The following CATSPERG variants were observed in gnomAD, a reference collection of about 807,000 sequenced individuals.
CATSPERG encodes the protein cation channel sperm-associated auxiliary subunit gamma.
CATSPERG carries 115 observed loss-of-function variants against 145.0 expected under a neutral mutation model. The ratio of observed to expected loss-of-function variants is 0.79; its 90% CI spans 0.68 to 0.93. The LOEUF (loss-of-function observed/expected upper bound fraction) is 0.93, where lower values mean the gene tolerates loss of function less well. Ranked by LOEUF, CATSPERG falls within the 40% of genes least tolerant of loss-of-function variation. CATSPERG has a pLI of 0.00. For missense variants in CATSPERG, 1,296 were observed against 1,490.1 expected (o/e 0.87, Z 2.14); for synonymous variants, 588 against 589.0 (o/e 1.00, Z 0.02).
At position 38,344,032 on chromosome 19, in the gene CATSPERG, A is replaced by G. The variant is rs1257174825; in HGVS notation, c.509A>G (p.Tyr170Cys). 1.9e-6 allele frequency: 3 copies of G among 1,551,410 alleles called. No homozygotes were observed. The South Asian group carries it at 3.6e-5, about 18-fold the overall frequency. ...MAEEVCSMSW[Y>C]TPMPIKKGSV... ...GAAGAAGTGTGTAGCATGAGCTGGT[A>G]CACGCCCATGCCCATCAAGAAAGGC... Residue 170 changes from tyrosine to cysteine, a missense_variant, in exon 5 of 29, where the codon TAC becomes TGC. Tyr to Cys is a radical substitution (Grantham distance 194). Coordinates refer to ENST00000409235, the MANE Select transcript of CATSPERG (RefSeq NM_021185.5).
At chr19:38,369,032 G>A (rs909275287) in intron 26 of CATSPERG, among the ~76,000 whole-genome samples, 6 of 152,030 alleles carry the variant, frequency 3.9e-5, no homozygotes, top group Non-Finnish European at 2.9e-5. Context: ...AACATAGCAT[G>A]TATTGAATGA....
At chr19:38,358,834 T>G (rs897631661) in intron 13 of CATSPERG, among the ~76,000 whole-genome samples, 4 of 151,842 alleles carry the variant, frequency 2.6e-5, no homozygotes, top group African/African-American at 4.8e-5. Context: ...GATGAGCAGT[T>G]TCTAGGGTTT....
At chr19:38,357,465 A>G (rs1970264383) in intron 11 of CATSPERG, among the ~76,000 whole-genome samples, 1 of 151,240 alleles carries the variant, frequency 6.6e-6, no homozygotes, top group African/African-American at 2.4e-5. Context: ...TTGAGGCTAC[A>G]GTGAGCTATG....
At chr19:38,337,785 C>G in intron 3 of CATSPERG, 139 bp downstream of exon 3, 1 of 723,362 alleles carries the variant, frequency 1.4e-6, no homozygotes, top group Non-Finnish European at 2.1e-6. Context: ...GTGGCGCGAT[C>G]TCGGCTCACT....
At chr19:38,340,970 A>G (rs749776217) in intron 3 of CATSPERG, among the ~76,000 whole-genome samples, 1 of 152,180 alleles carries the variant, frequency 6.6e-6, no homozygotes, top group Non-Finnish European at 1.5e-5. Context: ...CTCAAATGAT[A>G]AAAAGTGGGG....
chr19:38,360,182 C>T, intron 14 of CATSPERG: 1 of 985,278 alleles, frequency 1.0e-6, no homozygotes, highest in Non-Finnish European at 1.2e-6. Context: ...GCTCTAGGAA[C>T]CGTGGCTGTT....
At chr19:38,367,645 C>G (rs115627931) in intron 24 of CATSPERG, 36 bp from the exon 25 acceptor site, 3 of 1,612,296 alleles carry the variant, frequency 1.9e-6, no homozygotes, top group East Asian at 4.5e-5. Flanking sequence ...ACTCGAGACC[C>G]GGAGGCCAGT....
At chr19:38,355,415 A>G (rs1033273053) in intron 9 of CATSPERG, among the ~76,000 whole-genome samples, 1 of 151,596 alleles carries the variant, frequency 6.6e-6, no homozygotes, top group Non-Finnish European at 1.5e-5. Flanking sequence ...ATTGAAGTAC[A>G]GCTGGGCACA....
rs753920437 is a variant in CATSPERG at position 38,370,201 on chromosome 19, C to T, written c.3156C>T (p.Phe1052=). ...CCTACTGCAACTACCAGCTCACCTT[C>T]CTGCTGCACATCCACGGGCTGCCAC... The part of the protein sequence containing the change: ...TSTYCNYQLT[F]LLHIHGLPLS... The change falls in exon 28 of 29, where the codon TTC becomes TTT. Residue 1052 remains phenylalanine, a synonymous_variant. Coordinates refer to ENST00000409235, the MANE Select transcript of CATSPERG (RefSeq NM_021185.5). 3 of 1,613,952 alleles carry T rather than the reference C, an allele frequency of 1.9e-6. No homozygotes were observed. The highest frequency in any genetic ancestry group is 2.5e-6 in the Non-Finnish European group (3 of 1,180,038).
At position 38,359,474 on chromosome 19, in the gene CATSPERG, A is replaced by C. The variant is rs1970306154; in HGVS notation, c.1501A>C (p.Asn501His). Residue 501 changes from asparagine (N) to histidine (H), a missense_variant, in exon 14 of 29, where the codon AAC (asparagine) becomes CAC (histidine). Asn to His is a moderately conservative substitution (Grantham distance 68, BLOSUM62 1). Coordinates refer to ENST00000409235, the MANE Select transcript of CATSPERG (RefSeq NM_021185.5). ...TCTCCATCTCTGTCCCTGCAGCTCT[A>C]ACAAGGAAAACTTCATCTACCTGGC... is the stretch of plus-strand genomic sequence containing the variant. ...IWGNFLLQSS[N>H]KENFIYLADF... The C allele has an allele frequency of 6.2e-7, 1 of 1,610,964 alleles. No homozygotes were observed. The highest frequency in any genetic ancestry group is 8.5e-7 in the Non-Finnish European group (1 of 1,177,364).
chr19:38,362,613 G>A, intron 19 of CATSPERG, 39 bp downstream of exon 19: 1 of 1,610,510 alleles, frequency 6.2e-7, no homozygotes. Context: ...AGGGCGGGGC[G>A]AGGGCTACCA....
chr19:38,354,915 A>G, intron 9 of CATSPERG, 68 bp downstream of exon 9: 1 of 1,544,630 alleles, frequency 6.5e-7, no homozygotes, highest in Non-Finnish European at 8.8e-7. Flanking sequence ...GAGAATTCTA[A>G]CCTTGGGCCC....
At chr19:38,353,830 A>C (rs1209523409) in intron 8 of CATSPERG, among the ~76,000 whole-genome samples, 2 of 151,218 alleles carry the variant, frequency 1.3e-5, no homozygotes, top group African/African-American at 4.9e-5. Flanking sequence ...CGTCTCTACT[A>C]AAAATACAAA....
At position 38,337,222 on chromosome 19, in the gene CATSPERG, T is replaced by A; in HGVS notation, c.-13T>A. 1 of 1,550,400 alleles carries A rather than the reference T, an allele frequency of 6.4e-7. No homozygotes were observed. Among genetic ancestry groups the A allele is most frequent in the South Asian group, 1.2e-5 (1 of 84,040 alleles). Reference sequence around the variant, plus strand: ...GGTGTTGACTCCTGCGTTCTCCAGGTTCTAGCCACGTTATGTGCGGCCCAG... The same window carrying A: ...GGTGTTGACTCCTGCGTTCTCCAGGATCTAGCCACGTTATGTGCGGCCCAG... On this transcript the variant is annotated splice_region_variant and 5_prime_UTR_variant, in exon 2 of 29. Coordinates refer to ENST00000409235, the MANE Select transcript of CATSPERG (RefSeq NM_021185.5).
chr19:38,360,915 A>G lies in CATSPERG; in HGVS notation c.1880+72A>G, dbSNP rs183863821. On this transcript the variant is annotated intron_variant, in intron 16 of 28. Transcript: ENST00000409235. ...TGCCCTCCTGAAGCTACCATTCTTG[A>G]GAGAGGGGAGACCGAGCTAACCCCA... The G allele has an allele frequency of 1.0e-3, 1,305 of 1,270,598 alleles. 9 individuals are homozygous for G. The African/African-American group carries it at 0.015, about 15-fold the overall frequency. The allele number at this position is 1,270,598 out of a possible 1,614,324, so 78.7% of individuals were successfully genotyped here.
At chr19:38,357,399 T>C (rs1970263115) in intron 11 of CATSPERG, among the ~76,000 whole-genome samples, 1 of 145,822 alleles carries the variant, frequency 6.9e-6, no homozygotes, top group East Asian at 2.0e-4. Flanking sequence ...GTCGCACCTG[T>C]AGTCCCAGCT....
At chr19:38,360,907 C>A in intron 16 of CATSPERG, 64 bp downstream of exon 16, 1 of 1,351,752 alleles carries the variant, frequency 7.4e-7, no homozygotes, top group South Asian at 1.2e-5. Context: ...CTGAAGCTAC[C>A]ATTCTTGAGA....
intron 16 of CATSPERG, 74 bp downstream of exon 16, chr19:38,360,917 AGAGGGGAGACC>A: frequency 1.6e-6 from 2 of 1,271,762 alleles, no homozygotes; most frequent in Non-Finnish European, 2.2e-6. Flanking sequence ...CATTCTTGAG[AGAGGGGAGACC>A]GAGCTAACCC....
At chr19:38,360,929 G>A (rs929657661) in intron 16 of CATSPERG, 86 bp downstream of exon 16, 1 of 1,147,594 alleles carries the variant, frequency 8.7e-7, no homozygotes, top group Non-Finnish European at 1.3e-6. Flanking sequence ...AGGGGAGACC[G>A]AGCTAACCCC....
Sources: gnomAD v4.1 joint callset for allele counts (sites outside exome capture counted in the v4.1 genomes callset) on GRCh38, gnomAD v4.1.1 for gene constraint, MANE v1.5 for transcripts, NCBI Gene and HGNC (gene_info 2026-07-23, HGNC 2026-07-21) for gene names.